The following CLPB variants were observed in gnomAD, a reference collection of about 807,000 sequenced individuals.
CLPB encodes mitochondrial disaggregase.
Under a neutral mutation model 78.4 loss-of-function variants are expected in CLPB, and 40 were observed. The observed-to-expected ratio is 0.51, with a 90% CI of 0.40 to 0.66. The LOEUF (loss-of-function observed/expected upper bound fraction) is 0.66, where lower values mean the gene tolerates loss of function less well. CLPB is among the 30% of genes least tolerant of loss of function. The pLI is 0.00. For synonymous variants in CLPB, 333 were observed against 348.0 expected (o/e 0.96, Z 0.48); for missense variants, 780 against 886.9 (o/e 0.88, Z 1.53).
intron 4 of CLPB, among the ~76,000 whole-genome samples, chr11:72,364,772 GA>G (rs1218308504): frequency 6.6e-6 from 1 of 152,100 alleles, no homozygotes; most frequent in African/African-American, 2.4e-5. Flanking sequence ...ACGTGTATTA[GA>G]AAGACCATGG....
At chr11:72,417,280 T>C (rs1856052580) in intron 2 of CLPB, among the ~76,000 whole-genome samples, 1 of 152,240 alleles carries the variant, frequency 6.6e-6, no homozygotes, top group Non-Finnish European at 1.5e-5. Flanking sequence ...TACTGATATA[T>C]GCTACAACAT....
At chr11:72,298,688 A>T (rs1949602593) in intron 11 of CLPB, among the ~76,000 whole-genome samples, 1 of 152,076 alleles carries the variant, frequency 6.6e-6, no homozygotes, top group Admixed American at 6.5e-5. Flanking sequence ...TGTAGAGACA[A>T]GGTTTTGCCA....
In CLPB at chr11:72,286,223, G is replaced by GTTTTTTTTGTTT. The variant is rs1949386738; in HGVS notation, c.*7143_*7144insAAACAAAAAAAA. On this transcript the variant is annotated 3_prime_UTR_variant, in exon 16 of 16. Coordinates refer to ENST00000538039, the MANE Select transcript of CLPB (RefSeq NM_001258392.3). ...ATTACAGGTGTGAGATACTGCACCT[G>GTTTTTTTTGTTT]TTTTTTTTTTTTTTTTTTTTTTTAA... 1 of 60,464 alleles carries GTTTTTTTTGTTT rather than the reference G, an allele frequency of 1.7e-5. No homozygotes were observed. The highest frequency in any genetic ancestry group is 3.1e-5 in the Non-Finnish European group (1 of 32,206). The allele number at this position is 60,464 out of a possible 1,614,324, so 3.7% of individuals were successfully genotyped here. A position where few individuals can be genotyped will look rare whatever the true frequency, so the allele number is the denominator to read the frequency against.
rs1468967296 is a variant in CLPB at position 72,346,998 on chromosome 11, A to AC, written c.775+11881_775+11882insG. On this transcript the variant is annotated intron_variant, in intron 5 of 15. Transcript: ENST00000538039. ...TTCCATCTCAAAAATTAAAAAAAAAAAAAAAAAAAAAAGGTAAGTACCCAT... is the reference window on the plus strand; with the variant it reads ...TTCCATCTCAAAAATTAAAAAAAAAACAAAAAAAAAAAAGGTAAGTACCCAT... 6.6e-3 allele frequency among the ~76,000 whole-genome samples: 998 copies of AC among 150,786 alleles called. 6 individuals carry two copies. The highest frequency in any genetic ancestry group is 1.0e-2 in the African/African-American group (408 of 40,862).
intron 4 of CLPB, among the ~76,000 whole-genome samples, chr11:72,361,497 TAAG>T (rs1360323985): frequency 6.6e-6 from 1 of 151,974 alleles, no homozygotes; most frequent in African/African-American, 2.4e-5. Context: ...GAGAAGGAAA[TAAG>T]AAGGCCAGGG....
chr11:72,384,823 G>C (rs550574090), intron 3 of CLPB, among the ~76,000 whole-genome samples: 1 of 151,964 alleles, frequency 6.6e-6, no homozygotes, highest in Non-Finnish European at 1.5e-5. Context: ...AATAATAAAG[G>C]GGTCAATTAA....
chr11:72,300,391 C>A (rs551216942), intron 11 of CLPB, among the ~76,000 whole-genome samples: 1 of 152,122 alleles, frequency 6.6e-6, no homozygotes, highest in African/African-American at 2.4e-5. Context: ...AGGGCACATT[C>A]GGGTCTGGTC....
At chr11:72,315,632 A>G (rs1399284884) in intron 7 of CLPB, among the ~76,000 whole-genome samples, 1 of 152,212 alleles carries the variant, frequency 6.6e-6, no homozygotes, top group Admixed American at 6.5e-5. Context: ...AGCACTTACC[A>G]GGGGTTGATG....
chr11:72,306,299 C>T (rs1472944403), intron 9 of CLPB, among the ~76,000 whole-genome samples: 4 of 152,186 alleles, frequency 2.6e-5, no homozygotes, highest in African/African-American at 4.8e-5. Flanking sequence ...AACAGGAGTC[C>T]AAGACTCTGT....
At chr11:72,397,378 A>C (rs922512571) in intron 3 of CLPB, among the ~76,000 whole-genome samples, 1 of 152,236 alleles carries the variant, frequency 6.6e-6, no homozygotes, top group Non-Finnish European at 1.5e-5. Flanking sequence ...TATTTCTCTT[A>C]GACAAATACC....
At chr11:72,336,136 G>T (rs1284469823) in intron 5 of CLPB, among the ~76,000 whole-genome samples, 1 of 152,076 alleles carries the variant, frequency 6.6e-6, no homozygotes, top group African/African-American at 2.4e-5. Flanking sequence ...CATAAGCTGA[G>T]GGGGTGGGAG....
rs1311779687 is a variant in CLPB, at chr11:72,286,969, A to G, written c.*6398T>C. On this transcript the variant is annotated 3_prime_UTR_variant, in exon 16 of 16. Transcript: ENST00000538039. The stretch of plus-strand genomic sequence containing the variant: ...AATGAGAAAATTTAACAACACTAGC[A>G]CTCTCTAGACATTTAAATAACATTT... 1.3e-5 allele frequency: 2 copies of G among 152,078 alleles called. No individual in the cohort carries two copies. Among genetic ancestry groups the G allele is most frequent in the Admixed American group, 6.6e-5 (1 of 15,264 alleles). 9.4% of individuals were successfully genotyped at this position (152,078 alleles called of 1,614,324 possible).
chr11:72,333,213 T>C (rs1294379653), intron 5 of CLPB, among the ~76,000 whole-genome samples: 2 of 152,182 alleles, frequency 1.3e-5, no homozygotes, highest in South Asian at 2.1e-4. Flanking sequence ...ATACCCCTGA[T>C]GAAAAAGCCT....
intron 5 of CLPB, chr11:72,353,111 TG>T (rs1479660807): frequency 5.9e-5 from 9 of 152,256 alleles, no homozygotes; most frequent in African/African-American, 2.2e-4. Context: ...TCTTAAGTTT[TG>T]GGTCCTGACA....
intron 11 of CLPB, among the ~76,000 whole-genome samples, chr11:72,300,309 G>A (rs999168825): frequency 7.2e-5 from 11 of 152,182 alleles, no homozygotes; most frequent in African/African-American, 2.7e-4. Flanking sequence ...ACAGCGAATG[G>A]CACACAAAAT....
At chr11:72,355,542 T>A (rs1021801702) in intron 5 of CLPB, among the ~76,000 whole-genome samples, 1 of 152,216 alleles carries the variant, frequency 6.6e-6, no homozygotes, top group African/African-American at 2.4e-5. Flanking sequence ...GCTATCCTTG[T>A]GAAACAGGTG....
chr11:72,336,319 C>T (rs1950321353), intron 5 of CLPB, among the ~76,000 whole-genome samples: 1 of 152,152 alleles, frequency 6.6e-6, no homozygotes, highest in Non-Finnish European at 1.5e-5. Context: ...TGCCCCTCCC[C>T]ACCCCCGGTT....
At chr11:72,338,477 C>T (rs1950361283) in intron 5 of CLPB, among the ~76,000 whole-genome samples, 1 of 152,180 alleles carries the variant, frequency 6.6e-6, no homozygotes, top group Non-Finnish European at 1.5e-5. Flanking sequence ...CCTCTGCCCA[C>T]CCCATAGCTT....
chr11:72,300,002 A>G (rs1949626390), intron 11 of CLPB, among the ~76,000 whole-genome samples: 1 of 152,194 alleles, frequency 6.6e-6, no homozygotes, highest in African/African-American at 2.4e-5. Context: ...ACCAGAGATC[A>G]AACAGGCCGC....
Sources: gnomAD v4.1 joint callset for allele counts (sites outside exome capture counted in the v4.1 genomes callset) on GRCh38, gnomAD v4.1.1 for gene constraint, MANE v1.5 for transcripts, NCBI Gene and HGNC (gene_info 2026-07-23, HGNC 2026-07-21) for gene names.